WIPF1: variants seen among roughly 807,000 people sequenced by gnomAD.
WIPF1 encodes the protein WAS/WASL-interacting protein family member 1.
A neutral mutation model predicts 35.4 loss-of-function variants in WIPF1; 13 were observed. The ratio of observed to expected loss-of-function variants is 0.37; its 90% CI spans 0.24 to 0.58. The LOEUF (loss-of-function observed/expected upper bound fraction) is 0.58. Ranked by LOEUF, WIPF1 falls within the 20% of genes least tolerant of loss-of-function variation. WIPF1 has a pLI of 0.74. For synonymous variants in WIPF1, 267 were observed against 266.3 expected, an observed-to-expected ratio of 1.00 and a Z score of -0.02; for missense variants, 591 against 667.0, an observed-to-expected ratio of 0.89 and a Z score of 1.25.
intron 1 of WIPF1, among the ~76,000 whole-genome samples, chr2:174,618,031 C>A (rs1248243515): frequency 6.6e-6 from 1 of 152,194 alleles, no homozygotes; most frequent in Admixed American, 6.5e-5. Flanking sequence ...AATTGGTATG[C>A]TAGGTGGGAA....
At chr2:174,573,690 T>C (rs1176034960) in intron 4 of WIPF1, among the ~76,000 whole-genome samples, 3 of 151,868 alleles carry the variant, frequency 2.0e-5, no homozygotes, top group Non-Finnish European at 4.4e-5. Flanking sequence ...AGCTTCAAGT[T>C]CAAAAACGGG....
chr2:174,673,758 C>T (rs1387878388), intron 1 of WIPF1: 2 of 151,400 alleles, frequency 1.3e-5, no homozygotes, highest in Non-Finnish European at 2.9e-5. Flanking sequence ...GGGTAAAACT[C>T]TGATACATTC....
intron 3 of WIPF1, among the ~76,000 whole-genome samples, chr2:174,579,264 C>A (rs1280704792): frequency 1.3e-5 from 2 of 152,210 alleles, no homozygotes; most frequent in African/African-American, 4.8e-5. Flanking sequence ...CCTCAGCCTC[C>A]CAAAGTGCTG....
At chr2:174,630,138 T>C (rs901904110) in intron 1 of WIPF1, among the ~76,000 whole-genome samples, 3 of 152,156 alleles carry the variant, frequency 2.0e-5, no homozygotes, top group African/African-American at 7.2e-5. Context: ...TGCGAACACA[T>C]ATCCTACTAT....
intron 1 of WIPF1, among the ~76,000 whole-genome samples, chr2:174,629,380 A>C (rs1362107376): frequency 6.6e-6 from 1 of 152,130 alleles, no homozygotes; most frequent in African/African-American, 2.4e-5. Flanking sequence ...TCTGTTTTGC[A>C]GGGAAGGCTA....
intron 1 of WIPF1, among the ~76,000 whole-genome samples, chr2:174,675,746 C>A (rs550605272): frequency 6.6e-6 from 1 of 151,356 alleles, no homozygotes; most frequent in Non-Finnish European, 1.5e-5. Flanking sequence ...TACTGAGCAC[C>A]TGGACTTGTG....
At position 174,575,353 on chromosome 2, in the gene WIPF1, C is replaced by T. The variant is rs768073064; in HGVS notation, c.209G>A (p.Gly70Asp). 1.2e-5 allele frequency: 20 copies of T among 1,612,848 alleles called. No individual in the cohort carries two copies. The highest frequency in any genetic ancestry group is 1.7e-5 in the Admixed American group (1 of 59,884). Residue 70 changes from glycine to aspartate, a missense_variant, in exon 4 of 8, where the codon GGT becomes GAT. Transcript: ENST00000679041. ...GCCGCCTCCACCAAAGCCACCACCACCGCCTCCAGCACCAGCTCCTTTAGG... is the reference window on the plus strand; with the variant it reads ...GCCGCCTCCACCAAAGCCACCACCATCGCCTCCAGCACCAGCTCCTTTAGG... Reference protein sequence around the residue: ...DKPKGAGAGGGGGGFGGGGGF... With the variant: ...DKPKGAGAGGDGGGFGGGGGF...
intron 1 of WIPF1, among the ~76,000 whole-genome samples, chr2:174,664,145 A>G (rs1687837753): frequency 6.6e-6 from 1 of 151,984 alleles, no homozygotes; most frequent in South Asian, 2.1e-4. Context: ...TCTCACACAC[A>G]CACACACACC....
At chr2:174,603,883 C>A (rs1182341269) in intron 1 of WIPF1, among the ~76,000 whole-genome samples, 1 of 152,030 alleles carries the variant, frequency 6.6e-6, no homozygotes, top group Non-Finnish European at 1.5e-5. Context: ...CCCAAAAGAT[C>A]AAAATCCTGA....
chr2:174,616,517 T>C (rs1286465028), intron 1 of WIPF1, among the ~76,000 whole-genome samples: 1 of 152,082 alleles, frequency 6.6e-6, no homozygotes. Context: ...TTCCACAGTG[T>C]GGTCCTTAAG....
chr2:174,564,734 C>T (rs1283193953), intron 7 of WIPF1, among the ~76,000 whole-genome samples: 1 of 151,548 alleles, frequency 6.6e-6, no homozygotes, highest in African/African-American at 2.4e-5. Flanking sequence ...ATATGAACAA[C>T]TCCTTAAAGT....
At chr2:174,582,497 A>G (rs769354368) in intron 2 of WIPF1, among the ~76,000 whole-genome samples, 3 of 152,258 alleles carry the variant, frequency 2.0e-5, no homozygotes, top group South Asian at 2.1e-4. Flanking sequence ...TTAGGGCCAC[A>G]GGAGGAAAAG....
At chr2:174,597,035 GCA>G (rs1685842196) in intron 1 of WIPF1, among the ~76,000 whole-genome samples, 1 of 152,144 alleles carries the variant, frequency 6.6e-6, no homozygotes, top group South Asian at 2.1e-4. Flanking sequence ...TAGTAATTGT[GCA>G]CACACTGTTA....
At chr2:174,572,985 T>C (rs1026300182) in intron 4 of WIPF1, among the ~76,000 whole-genome samples, 1 of 152,132 alleles carries the variant, frequency 6.6e-6, no homozygotes, top group African/African-American at 2.4e-5. Context: ...GGGGAAATTA[T>C]AAGAAAAGAG....
At chr2:174,589,263 C>T (rs969289688) in intron 1 of WIPF1, among the ~76,000 whole-genome samples, 3 of 152,236 alleles carry the variant, frequency 2.0e-5, no homozygotes, top group African/African-American at 7.2e-5. Flanking sequence ...AATATATATG[C>T]AGTGAAAGAA....
At chr2:174,587,154 CAT>C (rs1421399162) in intron 1 of WIPF1, among the ~76,000 whole-genome samples, 12 of 152,124 alleles carry the variant, frequency 7.9e-5, no homozygotes, top group African/African-American at 2.7e-4. Context: ...GGACTGCAGG[CAT>C]ATGCCACCAC....
At chr2:174,615,113 T>C (rs557345247) in intron 1 of WIPF1, among the ~76,000 whole-genome samples, 9 of 152,356 alleles carry the variant, frequency 5.9e-5, no homozygotes, top group Admixed American at 3.9e-4. Flanking sequence ...ATGACTTTAT[T>C]CTAAAATGCC....
intron 1 of WIPF1, among the ~76,000 whole-genome samples, chr2:174,636,948 C>G (rs1687197790): frequency 6.6e-6 from 1 of 152,194 alleles, no homozygotes; most frequent in South Asian, 2.1e-4. Flanking sequence ...AAAGTTGCTC[C>G]CTGCTTCTCC....
chr2:174,583,765 A>AT (rs1685310919), intron 2 of WIPF1, among the ~76,000 whole-genome samples: 1 of 152,190 alleles, frequency 6.6e-6, no homozygotes, highest in Admixed American at 6.5e-5. Flanking sequence ...GAATCCTGCT[A>AT]TGTAAGCCAG....
Sources: gnomAD v4.1 joint callset for allele counts (sites outside exome capture counted in the v4.1 genomes callset) on GRCh38, gnomAD v4.1.1 for gene constraint, MANE v1.5 for transcripts, NCBI Gene and HGNC (gene_info 2026-07-23, HGNC 2026-07-21) for gene names.